The following PIAS1 variants were observed in gnomAD, a reference collection of about 807,000 sequenced individuals.
The protein encoded by PIAS1 is E3 SUMO-protein ligase PIAS1.
PIAS1 carries 6 observed loss-of-function variants against 71.3 expected under a neutral mutation model. The ratio of observed to expected loss-of-function variants is 0.08; its 90% confidence interval spans 0.05 to 0.17. The LOEUF is 0.17. Ranked by LOEUF, PIAS1 falls within the 10% of genes least tolerant of loss-of-function variation. The pLI is 1.00. For synonymous variants in PIAS1, 303 were observed against 292.9 expected (o/e 1.03, Z -0.35); for missense variants, 555 against 793.6 (o/e 0.70, Z 3.61).
chr15:68,183,567 G>A (rs936018603), intron 12 of PIAS1, 63 bp from the exon 13 acceptor site: 11 of 687,796 alleles, frequency 1.6e-5, no homozygotes, highest in African/African-American at 3.6e-5. Flanking sequence ...TTGAAGTATT[G>A]GGGCATTTGG....
chr15:68,154,891 GT>G (rs1479750326), intron 7 of PIAS1, among the ~76,000 whole-genome samples: 1 of 152,152 alleles, frequency 6.6e-6, no homozygotes. Context: ...TTGAAGGAGA[GT>G]ATAAGATAAC....
At chr15:68,095,457 T>G (rs2092366350) in intron 2 of PIAS1, among the ~76,000 whole-genome samples, 1 of 152,052 alleles carries the variant, frequency 6.6e-6, no homozygotes, top group African/African-American at 2.4e-5. Context: ...GATCATTTCT[T>G]TCTTTCTTTT....
chr15:68,128,759 A>G (rs1444963528), intron 2 of PIAS1, among the ~76,000 whole-genome samples: 3 of 152,218 alleles, frequency 2.0e-5, no homozygotes, highest in Non-Finnish European at 4.4e-5. Flanking sequence ...CATTCCAACA[A>G]ATGGACGCAG....
chr15:68,191,841 A>G lies in PIAS1; in HGVS notation c.*4006A>G, dbSNP rs2141117541. ...CTTCCTCGGGTAGAGGTTTGAATCA[A>G]ACACTTAATAGGATCTTAGACTCTG... On this transcript the variant is annotated 3_prime_UTR_variant, in exon 14 of 14. Transcript: ENST00000249636. 1 of 152,322 alleles carries G rather than the reference A, an allele frequency of 6.6e-6. No individual in the cohort carries two copies. The highest frequency in any genetic ancestry group is 2.4e-5 in the African/African-American group (1 of 41,564). The allele number at this position is 152,322 out of a possible 1,614,324, so 9.4% of individuals were successfully genotyped here.
intron 11 of PIAS1, among the ~76,000 whole-genome samples, chr15:68,177,106 C>A (rs1282219404): frequency 6.6e-6 from 1 of 151,570 alleles, no homozygotes; most frequent in East Asian, 1.9e-4. Flanking sequence ...ATGGTGAAAC[C>A]TCATCTCTAC....
At chr15:68,109,964 T>G (rs2092508021) in intron 2 of PIAS1, among the ~76,000 whole-genome samples, 1 of 152,174 alleles carries the variant, frequency 6.6e-6, no homozygotes, top group African/African-American at 2.4e-5. Context: ...TTAAAAAACT[T>G]AAATTTAAAC....
At chr15:68,121,040 G>A (rs1259857608) in intron 2 of PIAS1, among the ~76,000 whole-genome samples, 4 of 152,046 alleles carry the variant, frequency 2.6e-5, no homozygotes, top group South Asian at 4.1e-4. Context: ...TATATTTATC[G>A]ATGTTGTTTC....
At chr15:68,122,697 G>C (rs1302923669) in intron 2 of PIAS1, among the ~76,000 whole-genome samples, 1 of 152,172 alleles carries the variant, frequency 6.6e-6, no homozygotes. Flanking sequence ...GCCACACCAA[G>C]ATGAGTAGAC....
intron 7 of PIAS1, among the ~76,000 whole-genome samples, chr15:68,164,333 T>G (rs1448055447): frequency 6.6e-6 from 1 of 152,130 alleles, no homozygotes; most frequent in African/African-American, 2.4e-5. Flanking sequence ...ATTATTAATG[T>G]CCTCGAAAGT....
At chr15:68,084,835 C>G (rs553177589) in intron 1 of PIAS1, among the ~76,000 whole-genome samples, 1 of 152,156 alleles carries the variant, frequency 6.6e-6, no homozygotes, top group East Asian at 1.9e-4. Flanking sequence ...AAAATAAATG[C>G]TAAAATACAG....
chr15:68,173,737 T>A lies in PIAS1; in HGVS notation c.1014T>A (p.Gly338=). Residue 338 remains glycine (G), a synonymous_variant, in exon 9 of 14, where the codon GGT becomes GGA. Coordinates refer to ENST00000249636, the MANE Select transcript of PIAS1 (RefSeq NM_016166.3). The surrounding 1 kb of genome is among the most constrained non-coding windows in gnomAD (Gnocchi z 4.3). ...CTTTTTCTCCCTTTTTAAAGCTTGG[T>A]AAAATGCGGCTGACAATTCCGTGTC... ...SLRVSLLCPL[G]KMRLTIPCRA... 2 of 1,535,510 alleles carry A rather than the reference T, an allele frequency of 1.3e-6. No homozygotes were observed. The highest frequency in any genetic ancestry group is 1.8e-4 in the Middle Eastern group (1 of 5,712).
At chr15:68,147,265 A>G (rs1035855882) in intron 6 of PIAS1, among the ~76,000 whole-genome samples, 6 of 152,190 alleles carry the variant, frequency 3.9e-5, no homozygotes, top group Admixed American at 6.5e-5. Context: ...CGTTAACACT[A>G]TTATCTTCTT....
rs1449482046 is a variant in PIAS1, at chr15:68,135,367, G to C, written c.470-6579G>C. Among the ~76,000 whole-genome samples the C allele has an allele frequency of 9.1e-5, 4 of 44,008 alleles. 1 individual carries two copies. The highest frequency in any genetic ancestry group is 2.0e-4 in the African/African-American group (4 of 20,350). The allele number at this position is 44,008 out of a possible 152,430, so 28.9% of individuals were successfully genotyped here. ...GATGGGGCGGCTGGCCGGGCGGGGG[G>C]CTGACCCCCACACCGCCCTCCCAGA... On this transcript the variant is annotated intron_variant, in intron 2 of 13. Coordinates refer to ENST00000249636, the MANE Select transcript of PIAS1 (RefSeq NM_016166.3).
intron 6 of PIAS1, among the ~76,000 whole-genome samples, chr15:68,151,830 G>A (rs565057794): frequency 6.6e-5 from 10 of 150,430 alleles, no homozygotes; most frequent in East Asian, 2.0e-4. Context: ...ACTGCACTCC[G>A]GCCTGGGTGA....
At chr15:68,075,165 A>G (rs866770901) in intron 1 of PIAS1, among the ~76,000 whole-genome samples, 1 of 139,702 alleles carries the variant, frequency 7.2e-6, no homozygotes, top group African/African-American at 2.8e-5. Context: ...GCTCACTGCA[A>G]CCTCCGCCCC....
chr15:68,080,159 A>G (rs1333722088), intron 1 of PIAS1, among the ~76,000 whole-genome samples: 1 of 152,138 alleles, frequency 6.6e-6, no homozygotes, highest in African/African-American at 2.4e-5. Flanking sequence ...TGTTCAGGTT[A>G]TCGTCCAGAA....
Position 68,079,045 on chromosome 15 carries a change from T to C in PIAS1, c.25-7261T>C, listed in dbSNP as rs906132228. 6.1e-3 allele frequency among the ~76,000 whole-genome samples: 32 copies of C among 5,280 alleles called. No homozygotes were observed. The Non-Finnish European group carries it at 0.42, about 70-fold the overall frequency. 3.5% of individuals were successfully genotyped at this position (5,280 alleles called of 152,430 possible). ...TTTGAGAACCTCTAGTTAATCCCTC[T>C]TTTTTTTTTTTTTTCAAAGTGAGAA... On this transcript the variant is annotated intron_variant, in intron 1 of 13. Transcript: ENST00000249636.
intron 1 of PIAS1, among the ~76,000 whole-genome samples, chr15:68,073,426 TCTATAGACA>T (rs779432806): frequency 6.6e-6 from 1 of 152,226 alleles, no homozygotes; most frequent in Non-Finnish European, 1.5e-5. Context: ...CAAGACAGTC[TCTATAGACA>T]GAGCATGTAT....
At position 68,187,148 on chromosome 15, in the gene PIAS1, A is replaced by C. The variant is rs2093093253; in HGVS notation, c.1663-394A>C. 1.3e-5 allele frequency among the ~76,000 whole-genome samples: 2 copies of C among 152,202 alleles called. No homozygotes were observed. ...GTTGGTTTCCAGTACTGTTTTATAA[A>C]GAAACAGGGCAGTGAGTCATATTGA... On this transcript the variant is annotated intron_variant, in intron 13 of 13. Transcript: ENST00000249636. This position sits in a 1 kb window ranked among gnomAD's most constrained non-coding sequence, Gnocchi z 5.3.
Sources: allele counts gnomAD v4.1 joint callset (sites outside exome capture counted in the v4.1 genomes callset), GRCh38; gene constraint gnomAD v4.1.1; non-coding constraint Gnocchi (gnomAD v3.1); transcripts MANE v1.5; gene names NCBI Gene and HGNC (gene_info 2026-07-23, HGNC 2026-07-21).